The following MED16 variants were observed in gnomAD, a reference collection of about 807,000 sequenced individuals.
The protein encoded by MED16 is mediator complex subunit 16, also known as mediator of RNA polymerase II transcription subunit 16.
MED16 carries 81 observed loss-of-function variants against 84.4 expected under a neutral mutation model. The observed-to-expected ratio is 0.96, with a 90% CI of 0.80 to 1.15. MED16 has a LOEUF of 1.15. Among genes scored for constraint, MED16 ranks in the 50% most tolerant of loss-of-function variants. The pLI is 0.00. For synonymous variants in MED16, 897 were observed against 552.2 expected, an observed-to-expected ratio of 1.62 and a Z score of -8.76; for missense variants, 1,585 against 1,245.9, an observed-to-expected ratio of 1.27 and a Z score of -4.10.
At chr19:868,809 G>A (rs1041651296) in intron 14 of MED16, 54 bp downstream of exon 14, 78 of 1,516,190 alleles carry the variant, frequency 5.1e-5, no homozygotes, top group Non-Finnish European at 6.7e-5. Context: ...AGAATCAGCT[G>A]AGCCATCCCC....
At chr19:869,262 G>C (rs1480107998) in intron 13 of MED16, among the ~76,000 whole-genome samples, 1 of 152,228 alleles carries the variant, frequency 6.6e-6, no homozygotes. Context: ...CGGGGAGCCT[G>C]AGGTGCAGGG....
intron 1 of MED16, chr19:892,830 C>T (rs2036665062): frequency 6.6e-6 from 1 of 152,284 alleles, no homozygotes; most frequent in Admixed American, 6.6e-5. Context: ...CGAACCCAGC[C>T]CCGCGGGCCT....
chr19:869,323 G>A (rs1225739689), intron 13 of MED16, among the ~76,000 whole-genome samples: 1 of 152,010 alleles, frequency 6.6e-6, no homozygotes, highest in Non-Finnish European at 1.5e-5. Flanking sequence ...AGGTACATGG[G>A]GACTTCCACA....
At chr19:886,611 G>A (rs1056697983) in intron 4 of MED16, among the ~76,000 whole-genome samples, 7 of 152,238 alleles carry the variant, frequency 4.6e-5, no homozygotes, top group African/African-American at 1.4e-4. Flanking sequence ...AAACCCAGGC[G>A]GGGGCCGTCA....
At chr19:877,735 C>T in intron 8 of MED16, among the ~76,000 whole-genome samples, 1 of 137,952 alleles carries the variant, frequency 7.2e-6, no homozygotes, top group Admixed American at 7.1e-5. Context: ...CGTGCCCCAG[C>T]AGCTCACCTT....
At chr19:874,613 C>T (rs965346996) in intron 10 of MED16, among the ~76,000 whole-genome samples, 11 of 152,160 alleles carry the variant, frequency 7.2e-5, no homozygotes, top group Non-Finnish European at 1.3e-4. Flanking sequence ...GGGTGTCGGC[C>T]TGGGAGCGTC....
intron 6 of MED16, 69 bp downstream of exon 6, chr19:884,834 G>A (rs2036492733): frequency 7.9e-6 from 10 of 1,262,340 alleles, no homozygotes; most frequent in South Asian, 1.3e-5. Context: ...AGCAAGACCT[G>A]CCTCCAAAAT....
At chr19:890,313 C>G (rs1332108420) in intron 2 of MED16, 69 bp from the exon 3 acceptor site, 8 of 1,127,714 alleles carry the variant, frequency 7.1e-6, no homozygotes, top group Admixed American at 2.7e-5. Flanking sequence ...TGACTCCAGG[C>G]AGGCTCCAGG....
At chr19:890,879 C>A in intron 2 of MED16, 84 bp downstream of exon 2, 2 of 1,468,378 alleles carry the variant, frequency 1.4e-6, no homozygotes, top group Non-Finnish European at 1.8e-6. Flanking sequence ...GACCGAGTCC[C>A]TTCAAGGCAG....
In MED16 at chr19:873,563, GATC is replaced by G; in HGVS notation, c.1788_1790del (p.Met596del). The stretch of plus-strand genomic sequence containing the variant: ...GCACAAATTCCTCCGTCTTGAGGTT[GATC>G]ATGACCTTGTCAATGTCTACAAGGA... On this transcript the variant is annotated inframe_deletion, in exon 11 of 16. Coordinates refer to ENST00000325464, the MANE Select transcript of MED16 (RefSeq NM_005481.3). 3 of 1,612,410 alleles carry G rather than the reference GATC, an allele frequency of 1.9e-6. No individual in the cohort carries two copies. The highest frequency in any genetic ancestry group is 8.5e-7 in the Non-Finnish European group (1 of 1,179,706).
In MED16 at chr19:875,440, C is replaced by A; in HGVS notation, c.1575G>T (p.Arg525=). The A allele has an allele frequency of 1.9e-6, 3 of 1,602,500 alleles. No homozygotes were observed. Among genetic ancestry groups the A allele is most frequent in the South Asian group, 2.2e-5 (2 of 90,976 alleles). Residue 525 remains arginine, a synonymous_variant, in exon 10 of 16, where the codon CGG becomes CGT. Coordinates refer to ENST00000325464, the MANE Select transcript of MED16 (RefSeq NM_005481.3). ...AGAGCGAGGCCTTCATGGCCAGGAT[C>A]CGGGTGGAGAGGACCTGAGGGCAGG... ...TAALQQVLST[R]ILAMKASLCK... is the part of the protein sequence containing the mutation.
At chr19:874,262 C>T (rs889049878) in intron 10 of MED16, among the ~76,000 whole-genome samples, 13 of 152,092 alleles carry the variant, frequency 8.5e-5, no homozygotes, top group Admixed American at 2.6e-4. Flanking sequence ...TACAGGCGCC[C>T]GCCACCACGC....
intron 4 of MED16, among the ~76,000 whole-genome samples, chr19:888,251 T>G (rs937542827): frequency 6.9e-6 from 1 of 145,040 alleles, no homozygotes; most frequent in South Asian, 2.2e-4. Flanking sequence ...GCCGGGCTCG[T>G]TGGCTCACAC....
intron 15 of MED16, 79 bp from the exon 16 acceptor site, chr19:868,330 G>A (rs1273280322): frequency 1.9e-6 from 3 of 1,587,906 alleles, no homozygotes; most frequent in South Asian, 1.1e-5. Flanking sequence ...GGGCTCAGGG[G>A]CAGCTGAGGG....
In MED16 at chr19:868,036, G is replaced by T; in HGVS notation, c.*65C>A. The T allele has an allele frequency of 6.5e-7, 1 of 1,533,064 alleles. No individual in the cohort carries two copies. The allele number at this position is 1,533,064 out of a possible 1,614,324, so 95.0% of individuals were successfully genotyped here. On this transcript the variant is annotated 3_prime_UTR_variant, in exon 16 of 16. Transcript: ENST00000325464. ...TCCAGGTTCAGCGCTCTCCGCGGGT[G>T]AGGCAAGGAAACCGAGGAGACGCCC...
chr19:877,279 T>C, intron 8 of MED16, 99 bp from the exon 9 acceptor site: 1 of 1,145,364 alleles, frequency 8.7e-7, no homozygotes, highest in Non-Finnish European at 1.2e-6. Flanking sequence ...TGTGTGGATC[T>C]GTGTGCGCGC....
chr19:871,612 G>A lies in MED16; in HGVS notation c.2098+314C>T, dbSNP rs149728749. The A allele has an allele frequency of 1.8e-4, 292 of 1,595,980 alleles. 2 individuals are homozygous for A. The East Asian group carries it at 6.1e-3, about 33-fold the overall frequency. On this transcript the variant is annotated intron_variant, in intron 12 of 15. Coordinates refer to ENST00000325464, the MANE Select transcript of MED16 (RefSeq NM_005481.3). ...AGAGACAGCAAACAGGTGCCTGGAA[G>A]TGGCTGCCATCCCAAAAGCACCCAC...
chr19:882,513 G>A (rs766668169), intron 6 of MED16, among the ~76,000 whole-genome samples: 1 of 152,222 alleles, frequency 6.6e-6, no homozygotes, highest in Admixed American at 6.5e-5. Flanking sequence ...AACACAGCAA[G>A]AGCCTAGCTC....
intron 6 of MED16, among the ~76,000 whole-genome samples, chr19:883,534 G>C (rs932214645): frequency 6.6e-6 from 1 of 152,278 alleles, no homozygotes; most frequent in East Asian, 1.9e-4. Flanking sequence ...GGTGGGGACT[G>C]TCCCAGTGAC....
Sources: gnomAD v4.1 joint callset for allele counts (sites outside exome capture counted in the v4.1 genomes callset) on GRCh38, gnomAD v4.1.1 for gene constraint, MANE v1.5 for transcripts, NCBI Gene and HGNC (gene_info 2026-07-23, HGNC 2026-07-21) for gene names.